ALK: variants seen among roughly 807,000 people sequenced by gnomAD.
The protein encoded by ALK is ALK tyrosine kinase receptor.
ALK carries 74 observed loss-of-function variants against 163.1 expected under a neutral mutation model. The ratio of observed to expected loss-of-function variants is 0.45; its 90% CI spans 0.38 to 0.55. The LOEUF is 0.55. Ranked by LOEUF, ALK falls within the 20% of genes least tolerant of loss-of-function variation. The pLI is 0.00. For synonymous variants in ALK, 960 were observed against 843.2 expected (o/e 1.14, Z -2.40); for missense variants, 2,063 against 2,105.3 (o/e 0.98, Z 0.39).
chr2:29,193,449 T>C lies in ALK; in HGVS notation c.4638A>G (p.Ala1546=). ...EGSCTVPPNV[A]TGRLPGASLL... ...GTGAGGCCCCCGGAAGTCTCCCAGT[T>C]GCAACGTTAGGTGGGACAGTACAGC... The change falls in exon 29 of 29, where the codon GCA becomes GCG. Residue 1546 remains alanine, a synonymous_variant. Transcript: ENST00000389048. The C allele has an allele frequency of 6.2e-7, 1 of 1,614,146 alleles. No individual in the cohort carries two copies. Among genetic ancestry groups the C allele is most frequent in the Non-Finnish European group, 8.5e-7 (1 of 1,180,024 alleles).
chr2:29,878,795 T>C (rs926677439), intron 1 of ALK, among the ~76,000 whole-genome samples: 2 of 152,148 alleles, frequency 1.3e-5, no homozygotes, highest in African/African-American at 4.8e-5. Context: ...TGGAAAGCAT[T>C]GTAGTTGACA....
chr2:29,219,129 G>A (rs182656630), intron 23 of ALK, among the ~76,000 whole-genome samples: 2 of 152,306 alleles, frequency 1.3e-5, no homozygotes, highest in Admixed American at 6.5e-5. Context: ...GACCTGCATT[G>A]TCTGTTCATA....
intron 1 of ALK, among the ~76,000 whole-genome samples, chr2:29,892,672 G>A (rs1324532702): frequency 6.6e-6 from 1 of 152,182 alleles, no homozygotes; most frequent in Non-Finnish European, 1.5e-5. Context: ...GTAAGTGGCA[G>A]ACCTAAGACT....
At chr2:29,238,105 T>C (rs1016336085) in intron 13 of ALK, among the ~76,000 whole-genome samples, 1 of 152,184 alleles carries the variant, frequency 6.6e-6, no homozygotes, top group South Asian at 2.1e-4. Flanking sequence ...AGCTCCAGTG[T>C]GGCCGGGTAC....
At chr2:29,508,696 T>TA (rs56010037) in intron 4 of ALK, among the ~76,000 whole-genome samples, 9,550 of 118,840 alleles carry the variant, frequency 0.08, 482 homozygotes, top group Non-Finnish European at 0.11. Flanking sequence ...TAGAGTATAA[T>TA]AAAAAAAAAA....
At chr2:29,732,521 G>A (rs1334120602) in intron 1 of ALK, among the ~76,000 whole-genome samples, 1 of 152,168 alleles carries the variant, frequency 6.6e-6, no homozygotes, top group Admixed American at 6.5e-5. Flanking sequence ...TCACCCTTGG[G>A]GTGAAAAAGA....
At chr2:29,299,066 C>T (rs1666289521) in intron 8 of ALK, among the ~76,000 whole-genome samples, 1 of 152,202 alleles carries the variant, frequency 6.6e-6, no homozygotes, top group South Asian at 2.1e-4. Context: ...GTAACTGCTG[C>T]CGCTAGTTAC....
chr2:29,240,639 T>C (rs1331992200), intron 12 of ALK, among the ~76,000 whole-genome samples: 1 of 152,118 alleles, frequency 6.6e-6, no homozygotes, highest in Non-Finnish European at 1.5e-5. Context: ...CAACCCATCA[T>C]GATGAAAATA....
At chr2:29,281,683 T>G (rs550946404) in intron 9 of ALK, among the ~76,000 whole-genome samples, 1 of 152,318 alleles carries the variant, frequency 6.6e-6, no homozygotes, top group South Asian at 2.1e-4. Context: ...CTCTTCTCAT[T>G]CAGCTCTACA....
chr2:29,853,244 T>C (rs1666051356), intron 1 of ALK, among the ~76,000 whole-genome samples: 1 of 152,184 alleles, frequency 6.6e-6, no homozygotes, highest in South Asian at 2.1e-4. Flanking sequence ...TGTTTGATCT[T>C]GCCATTTGGA....
At chr2:29,701,095 G>T (rs1207980338) in intron 2 of ALK, among the ~76,000 whole-genome samples, 1 of 152,186 alleles carries the variant, frequency 6.6e-6, no homozygotes, top group East Asian at 1.9e-4. Flanking sequence ...CACAAAAGGG[G>T]AATAGGGAGC....
rs1383494876 is a variant in ALK at position 29,193,228 on chromosome 2, G to A, written c.4859C>T (p.Pro1620Leu). 4 of 1,613,858 alleles carry A rather than the reference G, an allele frequency of 2.5e-6. No individual in the cohort carries two copies. Among genetic ancestry groups the A allele is most frequent in the Non-Finnish European group, 3.4e-6 (4 of 1,180,016 alleles). ...GAAGTGAGTGTGCGACCGAGCTCAGGGCCCAGGCTGGTTCATGCTATTCTT... is the reference window on the plus strand; with the variant it reads ...GAAGTGAGTGTGCGACCGAGCTCAGAGCCCAGGCTGGTTCATGCTATTCTT... ...KSKNSMNQPG[P>L] is the part of the protein sequence containing the mutation. Residue 1620 changes from proline to leucine, a missense_variant, in exon 29 of 29, where the codon CCC becomes CTC. Around this residue, in one of 5 missense-constraint regions of ALK, gnomAD observed 403 missense variants for 366.2 expected, o/e 1.10. Transcript: ENST00000389048.
rs1669781212 is a variant in ALK, at chr2:29,220,788, T to C, written c.3563A>G (p.Gln1188Arg). 6.2e-7 allele frequency: 1 copy of C among 1,614,098 alleles called. No homozygotes were observed. The highest frequency in any genetic ancestry group is 8.5e-7 in the Non-Finnish European group (1 of 1,179,970). ...NIVRCIGVSL[Q>R]SLPRFILLEL... is the part of the protein sequence containing the mutation. ...CAGCAGGATGAACCGGGGCAGGGATTGCAGGCTCACCCCAATGCAGCGAAC... is the reference window on the plus strand; with the variant it reads ...CAGCAGGATGAACCGGGGCAGGGATCGCAGGCTCACCCCAATGCAGCGAAC... Residue 1188 changes from glutamine to arginine, a missense_variant, in exon 23 of 29, where the codon CAA (glutamine) becomes CGA (arginine). By Grantham distance (43) the Gln-to-Arg change is conservative. Coordinates refer to ENST00000389048, the MANE Select transcript of ALK (RefSeq NM_004304.5).
chr2:29,218,360 C>A (rs1669695735), intron 23 of ALK, among the ~76,000 whole-genome samples: 1 of 152,184 alleles, frequency 6.6e-6, no homozygotes, highest in Non-Finnish European at 1.5e-5. Flanking sequence ...CTGGGGGTCC[C>A]TCAGGTAGTG....
intron 4 of ALK, among the ~76,000 whole-genome samples, chr2:29,427,052 A>AG (rs1171384927): frequency 1.3e-5 from 2 of 150,408 alleles, no homozygotes; most frequent in African/African-American, 4.9e-5. Flanking sequence ...AAAAAAAAAA[A>AG]AAAAAAAAAA....
chr2:29,575,959 A>C (rs11127227), intron 3 of ALK, among the ~76,000 whole-genome samples: 1 of 151,910 alleles, frequency 6.6e-6, no homozygotes, highest in Admixed American at 6.6e-5. Context: ...ATGTGTTTAT[A>C]TGAGAGCATA....
chr2:29,233,072 A>T (rs2148184034), intron 14 of ALK, among the ~76,000 whole-genome samples: 1 of 152,302 alleles, frequency 6.6e-6, no homozygotes, highest in Middle Eastern at 3.4e-3. Flanking sequence ...GTAAGAGAAG[A>T]GTTCTACCCT....
At chr2:29,228,079 C>T (rs948916242) in intron 16 of ALK, among the ~76,000 whole-genome samples, 6 of 152,122 alleles carry the variant, frequency 3.9e-5, no homozygotes, top group Non-Finnish European at 8.8e-5. Flanking sequence ...GCGGGCTGTG[C>T]GGATTGCGGG....
At chr2:29,209,087 G>A (rs1476070217) in intron 25 of ALK, among the ~76,000 whole-genome samples, 2 of 151,744 alleles carry the variant, frequency 1.3e-5, no homozygotes, top group African/African-American at 2.4e-5. Flanking sequence ...AGATGCCTGC[G>A]GTGTTAGAAG....
Sources: allele counts gnomAD v4.1 joint callset (sites outside exome capture counted in the v4.1 genomes callset), GRCh38; gene constraint gnomAD v4.1.1; regional missense constraint gnomAD v4.1.1; transcripts MANE v1.5; gene names NCBI Gene and HGNC (gene_info 2026-07-23, HGNC 2026-07-21).